Variants in XIRP2 observed in about 807,000 individuals in gnomAD.
The protein encoded by XIRP2 is xin actin-binding repeat-containing protein 2.
A neutral mutation model predicts 277.0 loss-of-function variants in XIRP2; 236 were observed. The ratio of observed to expected loss-of-function variants is 0.85; its 90% CI spans 0.77 to 0.95. The LOEUF (loss-of-function observed/expected upper bound fraction) is 0.95, where lower values mean the gene tolerates loss of function less well. Among genes scored for constraint, XIRP2 ranks in the 40% least tolerant of loss-of-function variants. The probability of loss-of-function intolerance (pLI) is 0.00; values close to 1 mark genes in which losing one functional copy is unlikely to be tolerated. For synonymous variants in XIRP2, 1,490 were observed against 1,416.5 expected (o/e 1.05, Z -1.17); for missense variants, 4,640 against 4,157.5 (o/e 1.12, Z -3.19).
chr2:166,923,609 A>T (rs1048289094), intron 2 of XIRP2, among the ~76,000 whole-genome samples: 1 of 152,110 alleles, frequency 6.6e-6, no homozygotes, highest in Non-Finnish European at 1.5e-5. Context: ...CTGCCTTCAG[A>T]TATGATAAAA....
At chr2:167,011,920 T>C (rs554637053) in intron 2 of XIRP2, among the ~76,000 whole-genome samples, 23 of 151,990 alleles carry the variant, frequency 1.5e-4, no homozygotes, top group African/African-American at 4.6e-4. Flanking sequence ...GTGGTGATAT[T>C]CCCTTTATCA....
chr2:166,986,905 T>C lies in XIRP2; in HGVS notation c.408+83015T>C, dbSNP rs940858586. 9.2e-5 allele frequency among the ~76,000 whole-genome samples: 14 copies of C among 152,370 alleles called. No individual in the cohort carries two copies. The East Asian group carries it at 2.7e-3, about 29-fold the overall frequency. ...GTAGAATTGTCTAGGCTTAGTTTTA[T>C]GCATTTTGGGTTTTTTCCAAGAAAT... On this transcript the variant is annotated intron_variant, in intron 2 of 10. Transcript: ENST00000409195.
intron 2 of XIRP2, among the ~76,000 whole-genome samples, chr2:167,040,057 A>G (rs1688621357): frequency 6.6e-6 from 1 of 152,174 alleles, no homozygotes; most frequent in Non-Finnish European, 1.5e-5. Context: ...TATTGCAACA[A>G]AATAAACTGA....
At chr2:166,984,849 G>C (rs893398227) in intron 2 of XIRP2, among the ~76,000 whole-genome samples, 1 of 152,210 alleles carries the variant, frequency 6.6e-6, no homozygotes. Flanking sequence ...AGATGCCAGG[G>C]CACTCATGTG....
chr2:167,240,594 G>A (rs2105429758), intron 6 of XIRP2, 70 bp from the exon 7 acceptor site: 2 of 1,298,114 alleles, frequency 1.5e-6, no homozygotes, highest in Non-Finnish European at 2.2e-6. Context: ...AAAATGAAGA[G>A]TATTATTTGT....
At chr2:167,107,463 A>G (rs1690645178) in intron 2 of XIRP2, among the ~76,000 whole-genome samples, 1 of 151,676 alleles carries the variant, frequency 6.6e-6, no homozygotes, top group African/African-American at 2.4e-5. Flanking sequence ...ATGATCCTAT[A>G]ATTTTTCTTC....
rs1684027224 is a variant in XIRP2 at position 166,888,950 on chromosome 2, C to T, written c.-19+393C>T. ...CAAAAACAGCATCACCCAAAGAAAG[C>T]ATCTGGGCAATTCTCCTTTCTTCCT... On this transcript the variant is annotated intron_variant, in intron 1 of 10. Coordinates refer to ENST00000409195, the MANE Select transcript of XIRP2 (RefSeq NM_152381.6). Among the ~76,000 whole-genome samples the T allele has an allele frequency of 2.0e-5, 3 of 152,190 alleles. No homozygotes were observed. The South Asian group carries it at 6.2e-4, about 32-fold the overall frequency.
At chr2:167,220,340 C>G (rs886313961) in intron 5 of XIRP2, among the ~76,000 whole-genome samples, 3 of 152,178 alleles carry the variant, frequency 2.0e-5, no homozygotes, top group Non-Finnish European at 4.4e-5. Context: ...TGACATTAGA[C>G]AAGTCTCTTA....
intron 1 of XIRP2, among the ~76,000 whole-genome samples, chr2:166,894,993 G>A (rs1312978572): frequency 6.6e-6 from 1 of 152,114 alleles, no homozygotes; most frequent in Non-Finnish European, 1.5e-5. Context: ...AGAGAGAAGA[G>A]TACTTACGCA....
rs1695152418 is a variant in XIRP2, at chr2:167,243,691, G to A, written c.2299G>A (p.Val767Ile). 1 of 1,614,040 alleles carries A rather than the reference G, an allele frequency of 6.2e-7. No homozygotes were observed. Among genetic ancestry groups the A allele is most frequent in the Non-Finnish European group, 8.5e-7 (1 of 1,179,956 alleles). ...VHREDVEKGD[V>I]RTARWMFETQ... Reference sequence around the variant, plus strand: ...CAGAGAAGACGTTGAAAAGGGAGATGTAAGAACAGCACGGTGGATGTTTGA... The same window carrying A: ...CAGAGAAGACGTTGAAAAGGGAGATATAAGAACAGCACGGTGGATGTTTGA... The change falls in exon 9 of 11, where the codon GTA becomes ATA. Residue 767 changes from valine (V) to isoleucine (I), a missense_variant. Physicochemically the swap from Val to Ile is conservative, Grantham distance 29. Transcript: ENST00000409195.
At position 167,244,307 on chromosome 2, in the gene XIRP2, CAAG is replaced by C; in HGVS notation, c.2917_2919del (p.Arg973del). 2 of 1,613,830 alleles carry C rather than the reference CAAG, an allele frequency of 1.2e-6. No homozygotes were observed. The highest frequency in any genetic ancestry group is 1.7e-6 in the Non-Finnish European group (2 of 1,179,840). On this transcript the variant is annotated inframe_deletion, in exon 9 of 11. Transcript: ENST00000409195. Reference sequence around the variant, plus strand: ...CATAAAATAGAGGTGGAAGGAGTTACAAGAGGTGCTGTAGAGTTAAATAAATCT... The same window carrying C: ...CATAAAATAGAGGTGGAAGGAGTTACAGGTGCTGTAGAGTTAAATAAATCT...
At chr2:166,979,008 T>C (rs1198666675) in intron 2 of XIRP2, among the ~76,000 whole-genome samples, 1 of 152,190 alleles carries the variant, frequency 6.6e-6, no homozygotes, top group African/African-American at 2.4e-5. Context: ...TATTCTTCTA[T>C]CCCATGACCT....
chr2:166,898,797 A>G (rs1684307927), intron 1 of XIRP2, among the ~76,000 whole-genome samples: 2 of 152,110 alleles, frequency 1.3e-5, no homozygotes, highest in Non-Finnish European at 2.9e-5. Flanking sequence ...TCCATTCACA[A>G]TCCCTGAGAA....
chr2:167,249,561 T>A lies in XIRP2; in HGVS notation c.8169T>A (p.Asn2723Lys), dbSNP rs763291513. The A allele has an allele frequency of 5.6e-6, 9 of 1,613,630 alleles. No homozygotes were observed. In the South Asian group the frequency reaches 9.9e-5, roughly 18 times the overall value. Residue 2723 changes from asparagine to lysine, a missense_variant, in exon 9 of 11, where the codon AAT (asparagine) becomes AAA (lysine). Physicochemically the swap from Asn to Lys is moderately conservative, Grantham distance 94. Coordinates refer to ENST00000409195, the MANE Select transcript of XIRP2 (RefSeq NM_152381.6). ...IKLPTLDHTL[N>K]ETDHSYESHK... ...TTCCAACTCTAGATCATACATTAAA[T>A]GAAACAGACCACAGCTATGAAAGTC...
intron 2 of XIRP2, among the ~76,000 whole-genome samples, chr2:167,050,562 G>A (rs1028017935): frequency 1.3e-5 from 2 of 151,892 alleles, no homozygotes; most frequent in African/African-American, 2.4e-5. Flanking sequence ...CTGATGGCAC[G>A]GCAAGGGATG....
chr2:167,139,618 G>A (rs923403422), intron 3 of XIRP2, among the ~76,000 whole-genome samples: 12 of 152,046 alleles, frequency 7.9e-5, no homozygotes, highest in Admixed American at 4.6e-4. Flanking sequence ...TGCTCTTTAC[G>A]TGAGGGGATC....
intron 3 of XIRP2, among the ~76,000 whole-genome samples, chr2:167,154,352 G>T (rs1039889688): frequency 1.3e-5 from 2 of 151,322 alleles, no homozygotes; most frequent in African/African-American, 2.4e-5. Flanking sequence ...CTTCCATTTT[G>T]TAGGTTGCCT....
chr2:166,997,729 ACC>A lies in XIRP2; in HGVS notation c.408+93842_408+93843del, dbSNP rs1217684906. Among the ~76,000 whole-genome samples, 5 of 151,802 alleles carry A rather than the reference ACC, an allele frequency of 3.3e-5. No individual in the cohort carries two copies. In the East Asian group the frequency reaches 9.7e-4, roughly 29 times the overall value. On this transcript the variant is annotated intron_variant, in intron 2 of 10. Transcript: ENST00000409195. ...AGACCATCCTGGCCAACATGGTGAA[ACC>A]CCATCTCCACTAAAAATACAACAAT... is the stretch of plus-strand genomic sequence containing the variant.
intron 2 of XIRP2, among the ~76,000 whole-genome samples, chr2:166,913,593 A>G (rs1323808944): frequency 6.6e-6 from 1 of 152,180 alleles, no homozygotes; most frequent in African/African-American, 2.4e-5. Context: ...GTGGAGGGCT[A>G]TATTCAGAAT....
Sources: allele counts gnomAD v4.1 joint callset (sites outside exome capture counted in the v4.1 genomes callset), GRCh38; gene constraint gnomAD v4.1.1; transcripts MANE v1.5; gene names NCBI Gene and HGNC (gene_info 2026-07-23, HGNC 2026-07-21).